The following FAM135B variants were observed in gnomAD, a reference collection of about 807,000 sequenced individuals.
FAM135B encodes the protein family with sequence similarity 135 member B.
Under a neutral mutation model 127.7 loss-of-function variants are expected in FAM135B, and 43 were observed. The ratio of observed to expected loss-of-function variants is 0.34; its 90% CI spans 0.26 to 0.43. The LOEUF (loss-of-function observed/expected upper bound fraction) is 0.43. Ranked by LOEUF, FAM135B falls within the 20% of genes least tolerant of loss-of-function variation. FAM135B has a pLI of 1.00. For synonymous variants in FAM135B, 670 were observed against 665.1 expected, an observed-to-expected ratio of 1.01 and a Z score of -0.11; for missense variants, 1,558 against 1,725.6, an observed-to-expected ratio of 0.90 and a Z score of 1.72.
At chr8:138,288,830 T>C (rs1411819784) in intron 3 of FAM135B, among the ~76,000 whole-genome samples, 1 of 152,186 alleles carries the variant, frequency 6.6e-6, no homozygotes, top group Non-Finnish European at 1.5e-5. Flanking sequence ...TAAAATCTCC[T>C]AAAAAATGTT....
At chr8:138,204,131 C>T (rs77140625) in intron 7 of FAM135B, among the ~76,000 whole-genome samples, 56 of 152,328 alleles carry the variant, frequency 3.7e-4, no homozygotes, top group African/African-American at 1.3e-3. Context: ...CTGTCTGTGT[C>T]CCAGGTTTGG....
chr8:138,282,423 G>T (rs1009512099), intron 3 of FAM135B, among the ~76,000 whole-genome samples: 7 of 152,026 alleles, frequency 4.6e-5, no homozygotes, highest in African/African-American at 1.7e-4. Context: ...GTTTACAAAA[G>T]GCATATTTGA....
intron 1 of FAM135B, chr8:138,441,527 T>C (rs1360642531): frequency 6.6e-6 from 1 of 152,216 alleles, no homozygotes; most frequent in Non-Finnish European, 1.5e-5. Context: ...AAATACACTC[T>C]CTTGAACACA....
At chr8:138,447,657 G>T (rs959311190) in intron 1 of FAM135B, among the ~76,000 whole-genome samples, 2 of 151,766 alleles carry the variant, frequency 1.3e-5, no homozygotes, top group African/African-American at 4.8e-5. Context: ...CCTGTTGTGG[G>T]GTGGGGATTG....
chr8:138,249,817 T>A (rs1233869718), intron 6 of FAM135B, among the ~76,000 whole-genome samples: 1 of 152,230 alleles, frequency 6.6e-6, no homozygotes, highest in Non-Finnish European at 1.5e-5. Context: ...AACACCATGC[T>A]GCAACATTCT....
Position 138,151,381 on chromosome 8 carries a change from TCACAACCTC to T in FAM135B, c.3085_3093del (p.Glu1029_Val1031del). On this transcript the variant is annotated inframe_deletion, in exon 13 of 20. Coordinates refer to ENST00000395297, the MANE Select transcript of FAM135B (RefSeq NM_015912.4). ...GTGGCAGTGCAAGACACAGATAAGT[TCACAACCTC>T]CACAGCCTTCAGGCTGTCCAGAGTA... The T allele has an allele frequency of 1.2e-6, 2 of 1,613,686 alleles. No homozygotes were observed. The highest frequency in any genetic ancestry group is 1.7e-6 in the Non-Finnish European group (2 of 1,179,832).
rs116721690 is a variant in FAM135B at position 138,478,657 on chromosome 8, C to T, written c.-20+18014G>A. On this transcript the variant is annotated intron_variant, in intron 1 of 19. Transcript: ENST00000395297. ...GTGGTGACCCTGATCTCTAACTCTACGGATAAAATTGGGATGGCACTAGGT... is the reference window on the plus strand; with the variant it reads ...GTGGTGACCCTGATCTCTAACTCTATGGATAAAATTGGGATGGCACTAGGT... 5.5e-3 allele frequency among the ~76,000 whole-genome samples: 838 copies of T among 152,226 alleles called. 4 individuals carry two copies. Among genetic ancestry groups the T allele is most frequent in the African/African-American group, 0.019 (799 of 41,524 alleles).
At chr8:138,419,918 T>G (rs907366199) in intron 1 of FAM135B, among the ~76,000 whole-genome samples, 8 of 152,110 alleles carry the variant, frequency 5.3e-5, no homozygotes, top group Admixed American at 3.9e-4. Flanking sequence ...CAACCTAACA[T>G]CACACCTAGG....
intron 2 of FAM135B, among the ~76,000 whole-genome samples, chr8:138,358,912 C>T (rs999424691): frequency 2.0e-5 from 3 of 152,028 alleles, no homozygotes; most frequent in South Asian, 2.1e-4. Context: ...GGTCAATGTC[C>T]GGTCCCCTAG....
At chr8:138,158,230 GA>G (rs1414784709) in intron 12 of FAM135B, among the ~76,000 whole-genome samples, 1 of 152,140 alleles carries the variant, frequency 6.6e-6, no homozygotes, top group Non-Finnish European at 1.5e-5. Context: ...ATGGTGCTGG[GA>G]AAACTGGCTA....
chr8:138,196,973 T>G (rs1456557408), intron 8 of FAM135B, among the ~76,000 whole-genome samples: 1 of 152,194 alleles, frequency 6.6e-6, no homozygotes, highest in Non-Finnish European at 1.5e-5. Flanking sequence ...GTCTCATCTT[T>G]GGAAAATCCA....
At chr8:138,240,946 T>G (rs926162214) in intron 7 of FAM135B, among the ~76,000 whole-genome samples, 2 of 152,114 alleles carry the variant, frequency 1.3e-5, no homozygotes, top group Non-Finnish European at 2.9e-5. Flanking sequence ...AAACAGAGTT[T>G]GAGTGGAAGA....
At chr8:138,217,802 T>C (rs776524519) in intron 7 of FAM135B, among the ~76,000 whole-genome samples, 3 of 152,188 alleles carry the variant, frequency 2.0e-5, no homozygotes, top group African/African-American at 7.2e-5. Flanking sequence ...TGTATCAGTG[T>C]TCATGAACTA....
intron 2 of FAM135B, among the ~76,000 whole-genome samples, chr8:138,323,018 G>C (rs991348384): frequency 1.3e-5 from 2 of 152,188 alleles, no homozygotes; most frequent in African/African-American, 4.8e-5. Context: ...CACCACTGTA[G>C]GACTATGAAC....
chr8:138,320,647 C>T (rs1827388516), intron 2 of FAM135B, among the ~76,000 whole-genome samples: 1 of 152,168 alleles, frequency 6.6e-6, no homozygotes, highest in Non-Finnish European at 1.5e-5. Flanking sequence ...AACATCTGTT[C>T]TCAGTTGATT....
At chr8:138,370,533 G>T (rs569399921) in intron 1 of FAM135B, among the ~76,000 whole-genome samples, 1 of 152,040 alleles carries the variant, frequency 6.6e-6, no homozygotes, top group South Asian at 2.1e-4. Flanking sequence ...CTCACTGCAA[G>T]CTCGCCTCCC....
At chr8:138,445,979 C>CA (rs1320199727) in intron 1 of FAM135B, among the ~76,000 whole-genome samples, 3 of 152,104 alleles carry the variant, frequency 2.0e-5, no homozygotes, top group Admixed American at 6.6e-5. Context: ...AATCAATGTG[C>CA]AAAAATCACA....
At chr8:138,381,002 AT>A (rs928997437) in intron 1 of FAM135B, among the ~76,000 whole-genome samples, 2 of 151,774 alleles carry the variant, frequency 1.3e-5, no homozygotes, top group African/African-American at 4.8e-5. Flanking sequence ...AAAACAGAAC[AT>A]TTGCATGGTT....
intron 1 of FAM135B, chr8:138,438,186 T>G (rs1196216976): frequency 6.6e-6 from 1 of 152,140 alleles, no homozygotes; most frequent in African/African-American, 2.4e-5. Context: ...AAAGTTTTAT[T>G]ATAACAGCTT....
Sources: gnomAD v4.1 joint callset for allele counts (sites outside exome capture counted in the v4.1 genomes callset) on GRCh38, gnomAD v4.1.1 for gene constraint, MANE v1.5 for transcripts, NCBI Gene and HGNC (gene_info 2026-07-23, HGNC 2026-07-21) for gene names.